GABRB1: variants seen among roughly 807,000 people sequenced by gnomAD.
The protein encoded by GABRB1 is gamma-aminobutyric acid receptor subunit beta-1.
GABRB1 carries 17 observed loss-of-function variants against 51.6 expected under a neutral mutation model. That is an observed-to-expected ratio of 0.33 (90% CI 0.23 to 0.49). GABRB1 has a LOEUF of 0.49. Ranked by LOEUF, GABRB1 falls within the 20% of genes least tolerant of loss-of-function variation. The pLI, the probability that GABRB1 is intolerant of heterozygous loss-of-function variation, is 0.99. For missense variants in GABRB1, 410 were observed against 600.6 expected, an observed-to-expected ratio of 0.68 and a Z score of 3.32; for synonymous variants, 247 against 218.9, an observed-to-expected ratio of 1.13 and a Z score of -1.14.
rs1383751716 is a variant in GABRB1 at position 47,118,042 on chromosome 4, C to T, written c.241-43207C>T. Among the ~76,000 whole-genome samples the T allele has an allele frequency of 2.0e-5, 3 of 152,094 alleles. No homozygotes were observed. The East Asian group carries it at 5.8e-4, about 29-fold the overall frequency. On this transcript the variant is annotated intron_variant, in intron 3 of 8. Transcript: ENST00000295454. ...AATAGAACCTGGCATCTAGGCAATACTTAATGGGCATCTGTTAAAATAAAA... is the reference window on the plus strand; with the variant it reads ...AATAGAACCTGGCATCTAGGCAATATTTAATGGGCATCTGTTAAAATAAAA...
intron 3 of GABRB1, among the ~76,000 whole-genome samples, chr4:47,107,298 G>A (rs1715009756): frequency 6.6e-6 from 1 of 152,050 alleles, no homozygotes; most frequent in South Asian, 2.1e-4. Flanking sequence ...AAGGGATCGA[G>A]CCTCTGGGAT....
chr4:47,271,784 T>C (rs1247392054), intron 4 of GABRB1, among the ~76,000 whole-genome samples: 3 of 152,114 alleles, frequency 2.0e-5, no homozygotes, highest in Non-Finnish European at 4.4e-5. Context: ...TATAGAGAAA[T>C]TAAAAGCAAC....
intron 4 of GABRB1, among the ~76,000 whole-genome samples, chr4:47,294,117 G>A (rs889118154): frequency 7.2e-5 from 11 of 152,110 alleles, no homozygotes. Context: ...TTATCTAGGT[G>A]GGGGGCAGCC....
At chr4:47,272,376 C>G (rs1722905985) in intron 4 of GABRB1, among the ~76,000 whole-genome samples, 1 of 151,986 alleles carries the variant, frequency 6.6e-6, no homozygotes, top group Non-Finnish European at 1.5e-5. Context: ...TATTTTCATT[C>G]TTAGTACTGT....
chr4:47,059,448 A>G (rs1022997987), intron 3 of GABRB1, among the ~76,000 whole-genome samples: 12 of 152,312 alleles, frequency 7.9e-5, no homozygotes, highest in African/African-American at 2.9e-4. Context: ...CTGGGACTAC[A>G]GGCATGCAAC....
At chr4:47,189,012 T>C (rs893291512) in intron 4 of GABRB1, among the ~76,000 whole-genome samples, 9 of 151,974 alleles carry the variant, frequency 5.9e-5, no homozygotes, top group African/African-American at 2.2e-4. Context: ...AGATAGAGTC[T>C]GGGAAAGAAA....
chr4:47,368,584 A>G (rs945834333), intron 5 of GABRB1, among the ~76,000 whole-genome samples: 4 of 152,148 alleles, frequency 2.6e-5, no homozygotes, highest in African/African-American at 9.7e-5. Flanking sequence ...GACAATTCTA[A>G]TTATTCCCAG....
chr4:47,214,895 G>A (rs1475574826), intron 4 of GABRB1, among the ~76,000 whole-genome samples: 1 of 152,168 alleles, frequency 6.6e-6, no homozygotes, highest in African/African-American at 2.4e-5. Context: ...CAAAGTTCTA[G>A]CTAGGTATAT....
intron 3 of GABRB1, among the ~76,000 whole-genome samples, chr4:47,037,515 C>CAT (rs747940248): frequency 6.7e-6 from 1 of 149,946 alleles, no homozygotes; most frequent in African/African-American, 2.5e-5. Context: ...TTGGAGATAG[C>CAT]ATATATATAT....
chr4:47,385,421 G>A (rs1034865113), intron 5 of GABRB1, among the ~76,000 whole-genome samples: 2 of 152,114 alleles, frequency 1.3e-5, no homozygotes, highest in African/African-American at 4.8e-5. Context: ...TAAGAAGGGA[G>A]GTGCCGAGAA....
chr4:47,387,212 C>T (rs1165190623), intron 5 of GABRB1, among the ~76,000 whole-genome samples: 1 of 152,176 alleles, frequency 6.6e-6, no homozygotes, highest in African/African-American at 2.4e-5. Context: ...TGACTGTAAT[C>T]CCACTTTGGG....
intron 3 of GABRB1, among the ~76,000 whole-genome samples, chr4:47,081,392 G>T (rs1011667863): frequency 2.6e-5 from 4 of 152,132 alleles, no homozygotes; most frequent in Non-Finnish European, 4.4e-5. Flanking sequence ...TTATATTAAA[G>T]TAGCTTACAT....
chr4:47,423,283 C>A (rs1729148079), intron 8 of GABRB1, among the ~76,000 whole-genome samples: 1 of 152,196 alleles, frequency 6.6e-6, no homozygotes, highest in Admixed American at 6.5e-5. Context: ...AGGGGGTGAT[C>A]TGGCAACACT....
intron 3 of GABRB1, among the ~76,000 whole-genome samples, chr4:47,102,247 A>G (rs573796132): frequency 6.6e-6 from 1 of 152,052 alleles, no homozygotes; most frequent in South Asian, 2.1e-4. Flanking sequence ...TAAAATGAAG[A>G]ATAATATTTT....
At chr4:47,111,990 G>A (rs1252505574) in intron 3 of GABRB1, among the ~76,000 whole-genome samples, 1 of 131,164 alleles carries the variant, frequency 7.6e-6, no homozygotes, top group African/African-American at 2.9e-5. Context: ...TTTTTTATGA[G>A]ACGGAATCTC....
intron 5 of GABRB1, among the ~76,000 whole-genome samples, chr4:47,359,747 C>G (rs1176830149): frequency 6.6e-6 from 1 of 152,074 alleles, no homozygotes; most frequent in Non-Finnish European, 1.5e-5. Flanking sequence ...AAATTTCAGA[C>G]AAAACCCTGC....
At chr4:47,145,843 T>A (rs1186910744) in intron 3 of GABRB1, among the ~76,000 whole-genome samples, 1 of 152,038 alleles carries the variant, frequency 6.6e-6, no homozygotes, top group Non-Finnish European at 1.5e-5. Flanking sequence ...TCTTTAAACT[T>A]GTGACATGAG....
At chr4:47,308,251 A>G (rs1181786280) in intron 4 of GABRB1, among the ~76,000 whole-genome samples, 3 of 152,098 alleles carry the variant, frequency 2.0e-5, no homozygotes, top group Non-Finnish European at 2.9e-5. Context: ...CAGAATCCTA[A>G]GTATGATTAC....
intron 5 of GABRB1, among the ~76,000 whole-genome samples, chr4:47,384,229 TAC>T (rs530051854): frequency 3.3e-5 from 5 of 152,170 alleles, no homozygotes; most frequent in Admixed American, 2.0e-4. Flanking sequence ...TTGTTATATG[TAC>T]ACACACACAT....
Sources: allele counts gnomAD v4.1 joint callset (sites outside exome capture counted in the v4.1 genomes callset), GRCh38; gene constraint gnomAD v4.1.1; transcripts MANE v1.5; gene names NCBI Gene and HGNC (gene_info 2026-07-23, HGNC 2026-07-21).